Variants in EFHD1 observed in about 807,000 individuals in gnomAD.
EFHD1 encodes the protein EF-hand domain-containing protein D1.
Under a neutral mutation model 17.2 loss-of-function variants are expected in EFHD1, and 10 were observed. The observed-to-expected ratio is 0.58, with a 90% CI of 0.36 to 0.99. The LOEUF (loss-of-function observed/expected upper bound fraction) is 0.99, where lower values mean the gene tolerates loss of function less well. Among genes scored for constraint, EFHD1 ranks in the 50% least tolerant of loss-of-function variants. The probability of loss-of-function intolerance (pLI) is 0.01; values close to 1 mark genes in which losing one functional copy is unlikely to be tolerated. For synonymous variants in EFHD1, 153 were observed against 142.0 expected (o/e 1.08, Z -0.55); for missense variants, 310 against 327.5 (o/e 0.95, Z 0.41).
chr2:232,677,586 G>A (rs182606706), intron 3 of EFHD1, among the ~76,000 whole-genome samples: 118 of 152,220 alleles, frequency 7.8e-4, no homozygotes, highest in African/African-American at 2.7e-3. Context: ...AGCTGGGTAT[G>A]GCGGTGCATG....
chr2:232,622,335 G>A (rs538374231), intron 1 of EFHD1, among the ~76,000 whole-genome samples: 2 of 152,330 alleles, frequency 1.3e-5, no homozygotes, highest in South Asian at 4.1e-4. Flanking sequence ...CAGGCATGGT[G>A]GCGGACGCCT....
intron 1 of EFHD1, among the ~76,000 whole-genome samples, chr2:232,639,942 G>A (rs1284031852): frequency 6.6e-6 from 1 of 152,088 alleles, no homozygotes; most frequent in Non-Finnish European, 1.5e-5. Flanking sequence ...TGAGGCTGTC[G>A]CGGACTCACC....
intron 2 of EFHD1, among the ~76,000 whole-genome samples, chr2:232,669,489 G>A (rs999258629): frequency 3.3e-5 from 5 of 152,160 alleles, no homozygotes; most frequent in Admixed American, 2.0e-4. Flanking sequence ...ACTTCCCTCT[G>A]GGGATTGAGA....
rs574003677 is a variant in EFHD1, at chr2:232,662,181, G to T, written c.303-621G>T. Among the ~76,000 whole-genome samples, 11 of 152,244 alleles carry T rather than the reference G, an allele frequency of 7.2e-5. No individual in the cohort carries two copies. The South Asian group carries it at 2.3e-3, about 32-fold the overall frequency. ...GGCTGGGGGGCCAGTCAGCAGAGGG[G>T]TGGCCCTGTTAGAGGACAGAGTCAG... On this transcript the variant is annotated intron_variant, in intron 1 of 3. Coordinates refer to ENST00000264059, the MANE Select transcript of EFHD1 (RefSeq NM_025202.4).
At chr2:232,609,565 GC>G (rs1042374437) in intron 1 of EFHD1, among the ~76,000 whole-genome samples, 1 of 151,980 alleles carries the variant, frequency 6.6e-6, no homozygotes, top group African/African-American at 2.4e-5. Context: ...CCCCTAAGTG[GC>G]CCCCCAGTAG....
chr2:232,675,241 GA>G lies in EFHD1; in HGVS notation c.585+2802del, dbSNP rs60049843. 6.7e-5 allele frequency among the ~76,000 whole-genome samples: 8 copies of G among 118,576 alleles called. No homozygotes were observed. In the South Asian group the frequency reaches 2.1e-3, roughly 32 times the overall value. 77.8% of individuals were successfully genotyped at this position (118,576 alleles called of 152,430 possible). A position where few individuals can be genotyped will look rare whatever the true frequency, so the allele number is the denominator to read the frequency against. On this transcript the variant is annotated intron_variant, in intron 3 of 3. Transcript: ENST00000264059. ...AAGGAAGGAGAAAGAAAGAGAGAAA[GA>G]AAAGAAAGAAAAGAAAAGAAAAGAA... is the stretch of plus-strand genomic sequence containing the variant.
At chr2:232,631,702 A>AC (rs1694204579), upstream of EFHD1, among the ~76,000 whole-genome samples, 2 of 140,320 alleles carry the variant, frequency 1.4e-5, no homozygotes, top group Non-Finnish European at 1.5e-5. Context: ...AAAAAAAAAA[A>AC]AAAACAAAAA....
intron 3 of EFHD1, among the ~76,000 whole-genome samples, chr2:232,672,886 C>T (rs1289072741): frequency 6.6e-6 from 1 of 152,102 alleles, no homozygotes; most frequent in Non-Finnish European, 1.5e-5. Context: ...CTAAGCAGGA[C>T]TCTAAATTCT....
At chr2:232,609,897 G>C (rs1693780838) in intron 1 of EFHD1, among the ~76,000 whole-genome samples, 1 of 152,228 alleles carries the variant, frequency 6.6e-6, no homozygotes, top group South Asian at 2.1e-4. Flanking sequence ...TTTCTCAGAG[G>C]AGAGAGTAAC....
At chr2:232,679,606 C>T (rs966845341) in intron 3 of EFHD1, among the ~76,000 whole-genome samples, 4 of 151,024 alleles carry the variant, frequency 2.6e-5, no homozygotes, top group African/African-American at 9.7e-5. Context: ...CCTAGCTGCT[C>T]AGGATGCTGA....
At chr2:232,616,374 C>T (rs1436590409) in intron 1 of EFHD1, among the ~76,000 whole-genome samples, 4 of 152,264 alleles carry the variant, frequency 2.6e-5, no homozygotes, top group East Asian at 1.9e-4. Context: ...TCTCGGCTCA[C>T]GGCAACCTCC....
chr2:232,630,333 G>A (rs923690648), upstream of EFHD1, among the ~76,000 whole-genome samples: 2 of 152,202 alleles, frequency 1.3e-5, no homozygotes, highest in African/African-American at 2.4e-5. Flanking sequence ...GGCTGTGGCC[G>A]TAACGGTGAC....
chr2:232,627,391 G>A lies in EFHD1; in HGVS notation c.14+21218G>A, dbSNP rs558846508. 8.5e-5 allele frequency among the ~76,000 whole-genome samples: 13 copies of A among 152,242 alleles called. No individual in the cohort carries two copies. The East Asian group carries it at 1.2e-3, about 14-fold the overall frequency. On this transcript the variant is annotated intron_variant, in intron 1 of 3. Coordinates refer to the EFHD1 transcript ENST00000409613. ...AACAGATTTTTCTGAAACAGAGTAC[G>A]TAAAGTTTGTTCATGTACTTTCAGT...
chr2:232,668,320 TG>T (rs977338660), intron 2 of EFHD1, among the ~76,000 whole-genome samples: 1 of 152,228 alleles, frequency 6.6e-6, no homozygotes, highest in African/African-American at 2.4e-5. Context: ...TTTAACTGGC[TG>T]GGGTAGGGGG....
At chr2:232,652,415 T>G (rs1172980179) in intron 1 of EFHD1, among the ~76,000 whole-genome samples, 2 of 152,090 alleles carry the variant, frequency 1.3e-5, no homozygotes, top group African/African-American at 4.8e-5. Flanking sequence ...GGGTACATCG[T>G]TCCTACTGTA....
intron 1 of EFHD1, among the ~76,000 whole-genome samples, chr2:232,648,839 T>C (rs1351114651): frequency 6.6e-6 from 1 of 152,090 alleles, no homozygotes; most frequent in African/African-American, 2.4e-5. Flanking sequence ...AAAAAGGCAA[T>C]GCGTGATTTC....
intron 1 of EFHD1, among the ~76,000 whole-genome samples, chr2:232,645,533 T>C (rs1336876161): frequency 6.6e-6 from 1 of 152,194 alleles, no homozygotes; most frequent in East Asian, 1.9e-4. Flanking sequence ...GTGAACTCTG[T>C]TGCAGCCTTG....
In EFHD1 at chr2:232,638,416, G is replaced by A. The variant is rs537721080; in HGVS notation, c.302+4410G>A. The A allele has an allele frequency of 3.6e-5, 17 of 471,132 alleles. No individual in the cohort carries two copies. The East Asian group carries it at 4.2e-4, about 12-fold the overall frequency. The allele number at this position is 471,132 out of a possible 1,614,324, so 29.2% of individuals were successfully genotyped here. A position where few individuals can be genotyped will look rare whatever the true frequency, so the allele number is the denominator to read the frequency against. ...TGTCTTTTTCTTAAGAATCTGAAAC[G>A]GTGATGTCATGGATGTCCTGCCAGT... On this transcript the variant is annotated intron_variant, in intron 1 of 3. Transcript: ENST00000264059.
intron 1 of EFHD1, among the ~76,000 whole-genome samples, chr2:232,653,084 C>G (rs2106205419): frequency 6.6e-6 from 1 of 151,988 alleles, no homozygotes; most frequent in East Asian, 1.9e-4. Flanking sequence ...ACCTCTGTCC[C>G]CTGGGTTCAA....
Sources: allele counts gnomAD v4.1 joint callset (sites outside exome capture counted in the v4.1 genomes callset), GRCh38; gene constraint gnomAD v4.1.1; transcripts MANE v1.5; gene names NCBI Gene and HGNC (gene_info 2026-07-23, HGNC 2026-07-21).